SCUBE1: variants seen among roughly 807,000 people sequenced by gnomAD.
SCUBE1 encodes the protein signal peptide, CUB domain and EGF like domain containing 1.
A neutral mutation model predicts 124.4 loss-of-function variants in SCUBE1; 59 were observed. The ratio of observed to expected loss-of-function variants is 0.47; its 90% CI spans 0.38 to 0.59. The LOEUF is 0.59. Among genes scored for constraint, SCUBE1 ranks in the 20% least tolerant of loss-of-function variants. The probability of loss-of-function intolerance (pLI) is 0.00; values close to 1 mark genes in which losing one functional copy is unlikely to be tolerated. For synonymous variants in SCUBE1, 545 were observed against 550.9 expected (o/e 0.99, Z 0.15); for missense variants, 1,150 against 1,371.2 (o/e 0.84, Z 2.55).
rs139855417 is a variant in SCUBE1 at position 43,222,739 on chromosome 22, G to C, written c.1331C>G (p.Ser444Trp). The C allele has an allele frequency of 8.1e-6, 13 of 1,597,324 alleles. No homozygotes were observed. Among genetic ancestry groups the C allele is most frequent in the South Asian group, 7.9e-5 (7 of 88,732 alleles). The part of the protein sequence containing the change: ...CPAHTLFVPD[S>W]ENSYVLSCGV... Reference sequence around the variant, plus strand: ...GCAGCTCAGGACGTAGCTATTTTCCGAGTCTGCAGAGAAGCCGGTGGGTGA... The same window carrying C: ...GCAGCTCAGGACGTAGCTATTTTCCCAGTCTGCAGAGAAGCCGGTGGGTGA... Residue 444 changes from serine (S) to tryptophan (W), a missense_variant, in exon 12 of 22, where the codon TCG (serine) becomes TGG (tryptophan). Coordinates refer to ENST00000360835, the MANE Select transcript of SCUBE1 (RefSeq NM_173050.5).
At chr22:43,205,050 A>T (rs1161734912) in intron 21 of SCUBE1, among the ~76,000 whole-genome samples, 3 of 152,120 alleles carry the variant, frequency 2.0e-5, no homozygotes, top group African/African-American at 7.2e-5. Context: ...CAGGCTTTGC[A>T]GCTGGCAGAT....
intron 7 of SCUBE1, among the ~76,000 whole-genome samples, chr22:43,236,759 T>C (rs1228454874): frequency 6.6e-6 from 1 of 152,142 alleles, no homozygotes; most frequent in Non-Finnish European, 1.5e-5. Context: ...AACTTCTCTA[T>C]CCCACACCAA....
intron 6 of SCUBE1, among the ~76,000 whole-genome samples, chr22:43,251,974 G>A (rs895749230): frequency 3.9e-5 from 6 of 152,190 alleles, no homozygotes; most frequent in Non-Finnish European, 7.3e-5. Context: ...AGCACCCCAC[G>A]CTGGGTCCTC....
chr22:43,291,104 C>A lies in SCUBE1; in HGVS notation c.426G>T (p.Gln142His), dbSNP rs752067453. The A allele has an allele frequency of 1.2e-6, 2 of 1,613,756 alleles. No homozygotes were observed. Among genetic ancestry groups the A allele is most frequent in the Non-Finnish European group, 1.7e-6 (2 of 1,179,850 alleles). Residue 142 changes from glutamine (Q) to histidine (H), a missense_variant, in exon 4 of 22, where the codon CAG (glutamine) becomes CAT (histidine). Coordinates refer to ENST00000360835, the MANE Select transcript of SCUBE1 (RefSeq NM_173050.5). ...CVNAMGSYEC[Q>H]CHSGFFLSDN... The stretch of plus-strand genomic sequence containing the variant: ...CACTAAGGAAGAAGCCACTGTGGCA[C>A]TGACACTCGTAGCTGCCCATGGCAT...
At chr22:43,330,577 G>T (rs962864467) in intron 2 of SCUBE1, among the ~76,000 whole-genome samples, 16 of 152,224 alleles carry the variant, frequency 1.1e-4, no homozygotes, top group African/African-American at 3.9e-4. Flanking sequence ...CACAGAGTAG[G>T]TGCTCAGTGA....
At chr22:43,229,345 C>T (rs1000080343) in intron 8 of SCUBE1, among the ~76,000 whole-genome samples, 157 bp from the exon 9 acceptor site, 16 of 152,228 alleles carry the variant, frequency 1.1e-4, no homozygotes, top group Non-Finnish European at 1.5e-4. Flanking sequence ...TGGGAGACTC[C>T]TTGCTGCTCG....
intron 2 of SCUBE1, among the ~76,000 whole-genome samples, chr22:43,332,640 C>A (rs1926940142): frequency 6.6e-6 from 1 of 152,186 alleles, no homozygotes; most frequent in Admixed American, 6.5e-5. Context: ...CCAGTTTCCC[C>A]AGGCGAATTC....
chr22:43,308,973 A>T (rs112301672), intron 3 of SCUBE1, among the ~76,000 whole-genome samples: 5,993 of 152,370 alleles, frequency 0.039, 386 homozygotes, highest in African/African-American at 0.14. Context: ...CCCTCAGTCA[A>T]CAGACAGTAA....
intron 3 of SCUBE1, among the ~76,000 whole-genome samples, chr22:43,314,829 C>T (rs1484790077): frequency 6.6e-6 from 1 of 152,094 alleles, no homozygotes; most frequent in Non-Finnish European, 1.5e-5. Flanking sequence ...CCAGTCTAGC[C>T]TCTAGGTCAT....
In SCUBE1 at chr22:43,273,561, CTTTTTTTTT is replaced by C. The variant is rs1056252584; in HGVS notation, c.485-10725_485-10717del. On this transcript the variant is annotated intron_variant, in intron 4 of 21. Coordinates refer to ENST00000360835, the MANE Select transcript of SCUBE1 (RefSeq NM_173050.5). ...TATAAAGTGGGGAGACTAAAACCCT[CTTTTTTTTT>C]TTTTTTTTTTTTTTTGAGACAGAGT... Among the ~76,000 whole-genome samples the C allele has an allele frequency of 9.8e-5, 6 of 60,972 alleles. No individual in the cohort carries two copies. In the East Asian group the frequency reaches 1.3e-3, roughly 13 times the overall value. 40.0% of individuals were successfully genotyped at this position (60,972 alleles called of 152,430 possible).
intron 16 of SCUBE1, 63 bp from the exon 17 acceptor site, chr22:43,212,655 G>A: frequency 1.3e-6 from 2 of 1,507,602 alleles, no homozygotes; most frequent in South Asian, 2.4e-5. Context: ...GGCTGTGGGT[G>A]GTCTCAGGCC....
chr22:43,256,803 GA>G (rs1923678054), intron 6 of SCUBE1, among the ~76,000 whole-genome samples: 2 of 152,240 alleles, frequency 1.3e-5, no homozygotes, highest in African/African-American at 2.4e-5. Context: ...TGGCCCGGGA[GA>G]GCCCCAGGCC....
chr22:43,316,821 T>G (rs914604408), intron 3 of SCUBE1: 5 of 152,400 alleles, frequency 3.3e-5, no homozygotes, highest in African/African-American at 1.2e-4. Flanking sequence ...AATAACCTGA[T>G]GCTCGGACCT....
rs1569011196 is a variant in SCUBE1 at position 43,281,587 on chromosome 22, T to TTTGGCCACCCTCCTGTCACCTCCCTC, written c.484+9458_484+9459insGAGGGAGGTGACAGGAGGGTGGCCAA. Among the ~76,000 whole-genome samples, 37 of 64,908 alleles carry TTTGGCCACCCTCCTGTCACCTCCCTC rather than the reference T, an allele frequency of 5.7e-4. 3 individuals carry two copies. In the East Asian group the frequency reaches 0.017, roughly 30 times the overall value. 42.6% of individuals were successfully genotyped at this position (64,908 alleles called of 152,430 possible). A position where few individuals can be genotyped will look rare whatever the true frequency, so the allele number is the denominator to read the frequency against. The stretch of plus-strand genomic sequence containing the variant: ...TCAGCCACCCTCCTGTCACCTCCCT[T>TTTGGCCACCCTCCTGTCACCTCCCTC]CTCAGCCACCCTCCTGTCACCTCCT... On this transcript the variant is annotated intron_variant, in intron 4 of 21. Transcript: ENST00000360835.
chr22:43,287,427 G>A (rs1036468235), intron 4 of SCUBE1, among the ~76,000 whole-genome samples: 4 of 152,236 alleles, frequency 2.6e-5, no homozygotes, highest in Admixed American at 6.5e-5. Flanking sequence ...ACTGTGCAGA[G>A]GCCACATGGA....
At chr22:43,297,449 C>A (rs1351345584) in intron 3 of SCUBE1, among the ~76,000 whole-genome samples, 1 of 152,236 alleles carries the variant, frequency 6.6e-6, no homozygotes, top group Non-Finnish European at 1.5e-5. Flanking sequence ...TGGCGGCGGA[C>A]GGCCCTCAGC....
intron 4 of SCUBE1, among the ~76,000 whole-genome samples, chr22:43,278,287 A>G (rs1924615917): frequency 6.6e-6 from 1 of 152,228 alleles, no homozygotes; most frequent in Non-Finnish European, 1.5e-5. Context: ...GAGAACCTGC[A>G]ACCCCACATG....
intron 5 of SCUBE1, 78 bp downstream of exon 5, chr22:43,262,642 G>A: frequency 6.4e-7 from 1 of 1,571,206 alleles, no homozygotes; most frequent in South Asian, 1.1e-5. Flanking sequence ...CCAAAGTCCA[G>A]CAGACTGGAC....
intron 4 of SCUBE1, among the ~76,000 whole-genome samples, chr22:43,286,199 A>G (rs1387394855): frequency 6.6e-6 from 1 of 152,206 alleles, no homozygotes; most frequent in East Asian, 1.9e-4. Flanking sequence ...TTTTAACCCT[A>G]CGAAGCAGGT....
Sources: gnomAD v4.1 joint callset for allele counts (sites outside exome capture counted in the v4.1 genomes callset) on GRCh38, gnomAD v4.1.1 for gene constraint, MANE v1.5 for transcripts, NCBI Gene and HGNC (gene_info 2026-07-23, HGNC 2026-07-21) for gene names.